Variants in KANSL1 observed in about 807,000 individuals in gnomAD.
The protein encoded by KANSL1 is KAT8 regulatory NSL complex subunit 1, also known as MLL1/MLL complex subunit KANSL1.
KANSL1 carries 22 observed loss-of-function variants against 103.6 expected under a neutral mutation model. That is an observed-to-expected ratio of 0.21 (90% CI 0.15 to 0.30). The LOEUF (loss-of-function observed/expected upper bound fraction) is 0.30, where lower values mean the gene tolerates loss of function less well. KANSL1 is among the 10% of genes least tolerant of loss of function. The pLI, the probability that KANSL1 is intolerant of heterozygous loss-of-function variation, is 1.00. For synonymous variants in KANSL1, 600 were observed against 527.6 expected (o/e 1.14, Z -1.88); for missense variants, 1,337 against 1,399.8 (o/e 0.96, Z 0.72).
intron 7 of KANSL1, chr17:46,042,832 C>T (rs1156857696): frequency 1.3e-5 from 2 of 150,500 alleles, no homozygotes; most frequent in East Asian, 1.9e-4. Context: ...GATGATTTTT[C>T]CCAGTGGGTA....
rs1341230747 is a variant in KANSL1, at chr17:46,172,043, G to A, written c.101C>T (p.Ala34Val). The change falls in exon 2 of 15, where the codon GCC becomes GTC. Residue 34 changes from alanine to valine, a missense_variant. Ala to Val is a moderately conservative substitution (Grantham distance 64). Transcript: ENST00000432791. ...PPSSTLSPGS[A>V]ENNGNANILI... is the part of the protein sequence containing the mutation. Reference sequence around the variant, plus strand: ...GATGTTGGCGTTGCCGTTATTTTCGGCACTGCCAGGGGACAAGGTAGAGGA... The same window carrying A: ...GATGTTGGCGTTGCCGTTATTTTCGACACTGCCAGGGGACAAGGTAGAGGA... The A allele has an allele frequency of 1.2e-6, 2 of 1,614,124 alleles. No individual in the cohort carries two copies. The highest frequency in any genetic ancestry group is 1.7e-6 in the Non-Finnish European group (2 of 1,180,058).
At chr17:46,163,503 A>AG (rs2045851208) in intron 2 of KANSL1, among the ~76,000 whole-genome samples, 1 of 152,228 alleles carries the variant, frequency 6.6e-6, no homozygotes, top group Admixed American at 6.5e-5. Flanking sequence ...CTGGGATTAC[A>AG]GGCTCAAGCT....
Position 46,155,521 on chromosome 17 carries a change from T to A in KANSL1, c.1289+15334A>T, listed in dbSNP as rs2045374005. ...GCACATATAATAAAGTCTGGAAAAATTTTGTTGTCTCAACTAGGGTGAGGG... is the reference window on the plus strand; with the variant it reads ...GCACATATAATAAAGTCTGGAAAAAATTTGTTGTCTCAACTAGGGTGAGGG... On this transcript the variant is annotated intron_variant, in intron 2 of 14. Coordinates refer to ENST00000432791, the MANE Select transcript of KANSL1 (RefSeq NM_015443.4). Among the ~76,000 whole-genome samples, 4 of 152,142 alleles carry A rather than the reference T, an allele frequency of 2.6e-5. No individual in the cohort carries two copies. In the South Asian group the frequency reaches 8.3e-4, roughly 32 times the overall value.
chr17:46,072,439 T>C (rs1175594498), intron 4 of KANSL1, among the ~76,000 whole-genome samples: 1 of 152,124 alleles, frequency 6.6e-6, no homozygotes, highest in African/African-American at 2.4e-5. Context: ...AACATTAAAA[T>C]GGAAAGAAAA....
At chr17:46,139,569 T>C (rs2044317437) in intron 2 of KANSL1, among the ~76,000 whole-genome samples, 1 of 152,218 alleles carries the variant, frequency 6.6e-6, no homozygotes, top group Non-Finnish European at 1.5e-5. Flanking sequence ...AACCCAGCCT[T>C]TGGAGTGATA....
intron 3 of KANSL1, among the ~76,000 whole-genome samples, chr17:46,092,501 A>G (rs2079436140): frequency 6.6e-6 from 1 of 152,214 alleles, no homozygotes; most frequent in African/African-American, 2.4e-5. Context: ...TTATCATGGC[A>G]TATTTAATTT....
chr17:46,117,506 T>C (rs1372173347), intron 2 of KANSL1, among the ~76,000 whole-genome samples: 2 of 152,234 alleles, frequency 1.3e-5, no homozygotes, highest in Non-Finnish European at 2.9e-5. Flanking sequence ...TAAATAGATA[T>C]TAGTGATGGT....
chr17:46,195,946 G>T (rs1200222434), upstream of KANSL1: 1 of 159,244 alleles, frequency 6.3e-6, no homozygotes, highest in African/African-American at 2.4e-5. Context: ...AACAAAAAAA[G>T]ATTTAAAGAA....
intron 2 of KANSL1, among the ~76,000 whole-genome samples, chr17:46,097,529 T>C (rs1397821687): frequency 6.6e-6 from 1 of 152,266 alleles, no homozygotes; most frequent in Non-Finnish European, 1.5e-5. Flanking sequence ...ATGGAGAAGT[T>C]GGATTTTAGC....
intron 6 of KANSL1, among the ~76,000 whole-genome samples, chr17:46,064,929 C>G (rs952103264): frequency 6.6e-6 from 1 of 151,570 alleles, no homozygotes; most frequent in Non-Finnish European, 1.5e-5. Flanking sequence ...ATGTGCACAA[C>G]GTGCAGGTTA....
upstream of KANSL1, among the ~76,000 whole-genome samples, chr17:46,194,099 G>T (rs1269665793): frequency 1.3e-5 from 2 of 152,208 alleles, no homozygotes; most frequent in Non-Finnish European, 2.9e-5. Context: ...CCCCAGCCAG[G>T]GCCCGCGCCG....
chr17:46,104,353 C>T (rs1215190142), intron 2 of KANSL1, among the ~76,000 whole-genome samples: 2 of 152,172 alleles, frequency 1.3e-5, no homozygotes, highest in Non-Finnish European at 2.9e-5. Flanking sequence ...CTAAAACCCA[C>T]GTCTCTCCAG....
chr17:46,099,167 C>G (rs1598614988), intron 2 of KANSL1, among the ~76,000 whole-genome samples: 1 of 144,398 alleles, frequency 6.9e-6, no homozygotes, highest in Admixed American at 7.1e-5. Context: ...ACTAAAAATA[C>G]AAAAAAATTA....
rs548814710 is a variant in KANSL1 at position 46,172,197 on chromosome 17, G to A, written c.-54C>T. 169 of 1,520,256 alleles carry A rather than the reference G, an allele frequency of 1.1e-4. 1 individual carries two copies. The highest frequency in any genetic ancestry group is 7.7e-4 in the Admixed American group (41 of 53,222). 94.2% of individuals were successfully genotyped at this position (1,520,256 alleles called of 1,614,324 possible). A position where few individuals can be genotyped will look rare whatever the true frequency, so the allele number is the denominator to read the frequency against. ...TCTCCCGATGCCGAGGCCGAGGCCA[G>A]CTCCACGGCCCCTTACTGCCTCCCC... is the stretch of plus-strand genomic sequence containing the variant. On this transcript the variant is annotated 5_prime_UTR_variant, in exon 2 of 15. Coordinates refer to ENST00000432791, the MANE Select transcript of KANSL1 (RefSeq NM_015443.4).
At chr17:46,044,683 T>C (rs151036546) in intron 7 of KANSL1, 4,747 of 152,290 alleles carry the variant, frequency 0.031, 101 homozygotes, top group Non-Finnish European at 0.041. Flanking sequence ...CAGGTTATTA[T>C]ACCCTAGTCT....
intron 1 of KANSL1, among the ~76,000 whole-genome samples, chr17:46,217,470 TA>T (rs34158594): frequency 0.16 from 22,087 of 139,702 alleles, 2,113 homozygotes; most frequent in Non-Finnish European, 0.23. Flanking sequence ...AGAGAGACTC[TA>T]AAAAAAAAAA....
chr17:46,148,771 C>CGA (rs1469440389), intron 2 of KANSL1, among the ~76,000 whole-genome samples: 6 of 151,310 alleles, frequency 4.0e-5, no homozygotes, highest in African/African-American at 1.5e-4. Context: ...TTTTTAGTAG[C>CGA]GACAGGGTTT....
At chr17:46,204,110 G>C (rs1345031296) in intron 1 of KANSL1, among the ~76,000 whole-genome samples, 10 of 151,942 alleles carry the variant, frequency 6.6e-5, no homozygotes, top group Admixed American at 2.0e-4. Context: ...TGAAACCATA[G>C]GCCACTGTAC....
chr17:46,131,552 A>T (rs2043861919), intron 2 of KANSL1, among the ~76,000 whole-genome samples: 1 of 152,244 alleles, frequency 6.6e-6, no homozygotes. Flanking sequence ...TGCCAAAATG[A>T]TTACAATGAC....
Sources: allele counts gnomAD v4.1 joint callset (sites outside exome capture counted in the v4.1 genomes callset), GRCh38; gene constraint gnomAD v4.1.1; transcripts MANE v1.5; gene names NCBI Gene and HGNC (gene_info 2026-07-23, HGNC 2026-07-21).